MYH16: variants seen among roughly 807,000 people sequenced by gnomAD.
MYH16 encodes the protein putative uncharacterized protein MYH16.
intron 28 of MYH16, 130 bp from the exon 10 acceptor site, chr7:99,287,762 T>C (rs996757493): frequency 2.2e-5 from 8 of 365,718 alleles, no homozygotes; most frequent in Non-Finnish European, 3.8e-5. Flanking sequence ...GGCTAAACAT[T>C]GGCATTTCAA....
intron 27 of MYH16, among the ~76,000 whole-genome samples, chr7:99,286,032 C>T (rs938998065): frequency 2.0e-5 from 3 of 152,240 alleles, no homozygotes; most frequent in African/African-American, 7.2e-5. Flanking sequence ...CACAAGGCCC[C>T]CCAGGCATAG....
At chr7:99,242,229 C>T (rs919986626) in intron 1 of MYH16, among the ~76,000 whole-genome samples, 5 of 152,058 alleles carry the variant, frequency 3.3e-5, no homozygotes, top group South Asian at 4.2e-4. Context: ...ATGGCACGGG[C>T]GCGAACACAC....
chr7:99,304,843 A>C (rs933180230), intron 40 of MYH16, 87 bp downstream of exon 21: 1 of 152,550 alleles, frequency 6.6e-6, no homozygotes, highest in Admixed American at 6.5e-5. Flanking sequence ...TCTTTTGCCA[A>C]AAACATGTCC....
chr7:99,276,338 T>C (rs1584348658), intron 20 of MYH16, among the ~76,000 whole-genome samples: 1 of 152,242 alleles, frequency 6.6e-6, no homozygotes, highest in Non-Finnish European at 1.5e-5. Context: ...TTTTCCCTCC[T>C]GGGAAATGTA....
At chr7:99,277,046 A>G (rs1441146725) in intron 20 of MYH16, among the ~76,000 whole-genome samples, 1 of 101,590 alleles carries the variant, frequency 9.8e-6, no homozygotes, top group Non-Finnish European at 1.6e-5. Context: ...AGACACAGAG[A>G]GAGAGAGAGA....
At chr7:99,303,997 G>A (rs1030536765) in intron 39 of MYH16, among the ~76,000 whole-genome samples, 3 of 152,104 alleles carry the variant, frequency 2.0e-5, no homozygotes, top group Non-Finnish European at 4.4e-5. Context: ...CACCAGCCTC[G>A]AGTGGTGGGT....
intron 14 of MYH16, among the ~76,000 whole-genome samples, chr7:99,263,760 A>G (rs564320605): frequency 1.3e-5 from 2 of 152,226 alleles, no homozygotes; most frequent in African/African-American, 4.8e-5. Context: ...CAGATGTTCT[A>G]TGTTTCTTTT....
chr7:99,308,414 T>C (rs1792711933), downstream of MYH16, among the ~76,000 whole-genome samples: 1 of 150,250 alleles, frequency 6.7e-6, no homozygotes, highest in African/African-American at 2.5e-5. Context: ...GGAGTAGATC[T>C]AAAAGGAGAG....
intron 14 of MYH16, chr7:99,263,572 TGAGTAAGTGAG>T (rs1032862487): frequency 2.0e-5 from 3 of 151,790 alleles, no homozygotes; most frequent in African/African-American, 4.8e-5. Flanking sequence ...AATAAGTGAG[TGAGTAAGTGAG>T]TGAACCGATG....
downstream of MYH16, among the ~76,000 whole-genome samples, chr7:99,307,590 G>A (rs1792700117): frequency 6.6e-6 from 1 of 151,862 alleles, no homozygotes; most frequent in Admixed American, 6.6e-5. Flanking sequence ...CAGGCATGGT[G>A]GTGCACACCT....
chr7:99,242,080 C>T (rs765819403), intron 1 of MYH16, among the ~76,000 whole-genome samples: 4 of 152,074 alleles, frequency 2.6e-5, no homozygotes, highest in African/African-American at 4.8e-5. Flanking sequence ...AGGCTGGTCT[C>T]GAACTCCTGA....
At chr7:99,296,990 C>G (rs1042598558) in intron 34 of MYH16, 73 bp downstream of exon 15, 3 of 433,954 alleles carry the variant, frequency 6.9e-6, no homozygotes, top group African/African-American at 4.0e-5. Flanking sequence ...TCATCCTGAG[C>G]ACATCATCAG....
intron 8 of MYH16, among the ~76,000 whole-genome samples, chr7:99,255,289 A>C (rs541700612): frequency 2.6e-5 from 4 of 151,396 alleles, no homozygotes; most frequent in African/African-American, 9.7e-5. Context: ...TTTAAAATAA[A>C]TAAGTAACAA....
rs1184408879 is a variant in MYH16 at position 99,302,317 on chromosome 7, T to TATATACACAC, written n.5137+514_5137+515insTATACACACA. ...ACCATCTCAAAAAAAAAAAAATATA[T>TATATACACAC]ACACACACACACACACACACACACA... On this transcript the variant is annotated intron_variant and non_coding_transcript_variant, in intron 38 of 41. Transcript: ENST00000439784. 5.3e-4 allele frequency among the ~76,000 whole-genome samples: 51 copies of TATATACACAC among 95,564 alleles called. 1 individual carries two copies. The highest frequency in any genetic ancestry group is 2.2e-3 in the African/African-American group (48 of 21,688). 62.7% of individuals were successfully genotyped at this position (95,564 alleles called of 152,430 possible). A position where few individuals can be genotyped will look rare whatever the true frequency, so the allele number is the denominator to read the frequency against.
chr7:99,295,515 G>C (rs558092194), intron 33 of MYH16, among the ~76,000 whole-genome samples: 1 of 152,244 alleles, frequency 6.6e-6, no homozygotes, highest in East Asian at 1.9e-4. Flanking sequence ...CAGTCTCTAT[G>C]AGAATTAAAT....
intron 30 of MYH16, chr7:99,290,755 A>T (rs2150827342): frequency 6.6e-6 from 1 of 151,756 alleles, no homozygotes; most frequent in East Asian, 1.9e-4. Flanking sequence ...GTGAGACGAG[A>T]GCACGCCACT....
At chr7:99,308,097 C>T (rs1285747539), downstream of MYH16, among the ~76,000 whole-genome samples, 1 of 151,668 alleles carries the variant, frequency 6.6e-6, no homozygotes, top group African/African-American at 2.4e-5. Context: ...TCATACTTTG[C>T]CTCAAAATTA....
chr7:99,301,208 A>AG (rs1321062265), intron 37 of MYH16, among the ~76,000 whole-genome samples: 2 of 151,474 alleles, frequency 1.3e-5, no homozygotes, highest in African/African-American at 4.9e-5. Context: ...AAAAAAAAAA[A>AG]AAAAAAAAAA....
chr7:99,289,105 C>T (rs1264041313), intron 29 of MYH16, among the ~76,000 whole-genome samples, 182 bp from the exon 11 acceptor site: 11 of 139,270 alleles, frequency 7.9e-5, no homozygotes, highest in African/African-American at 3.6e-4. Context: ...TGGAGTGATA[C>T]CCTGTCTCAA....
Sources: allele counts gnomAD v4.1 joint callset (sites outside exome capture counted in the v4.1 genomes callset), GRCh38; gene constraint gnomAD v4.1.1; transcripts MANE v1.5; gene names NCBI Gene and HGNC (gene_info 2026-07-23, HGNC 2026-07-21).